MBOAT1: variants seen among roughly 807,000 people sequenced by gnomAD.
MBOAT1 encodes the protein membrane bound glycerophospholipid O-acyltransferase 1.
MBOAT1 carries 67 observed loss-of-function variants against 64.4 expected under a neutral mutation model. That is an observed-to-expected ratio of 1.04 (90% CI 0.85 to 1.27). The LOEUF (loss-of-function observed/expected upper bound fraction) is 1.27, where lower values mean the gene tolerates loss of function less well. Among genes scored for constraint, MBOAT1 ranks in the 50% most tolerant of loss-of-function variants. The pLI is 0.00. For synonymous variants in MBOAT1, 229 were observed against 218.9 expected (o/e 1.05, Z -0.41); for missense variants, 563 against 604.6 (o/e 0.93, Z 0.72).
At chr6:20,103,921 C>A (rs1005424347) in intron 12 of MBOAT1, among the ~76,000 whole-genome samples, 1 of 152,166 alleles carries the variant, frequency 6.6e-6, no homozygotes, top group Non-Finnish European at 1.5e-5. Flanking sequence ...ATATCCTAGG[C>A]CTTCACATTC....
At chr6:20,118,064 T>C (rs1387933797) in intron 9 of MBOAT1, among the ~76,000 whole-genome samples, 1 of 152,082 alleles carries the variant, frequency 6.6e-6, no homozygotes, top group Non-Finnish European at 1.5e-5. Context: ...GAAATCAAAA[T>C]ACAGGAGCTT....
At position 20,109,901 on chromosome 6, in the gene MBOAT1, ACTTTTTTTT is replaced by A. The variant is rs1284592531; in HGVS notation, c.1210-161_1210-153del. 1.7e-5 allele frequency: 5 copies of A among 299,944 alleles called. No individual in the cohort carries two copies. The South Asian group carries it at 2.2e-4, about 13-fold the overall frequency. 18.6% of individuals were successfully genotyped at this position (299,944 alleles called of 1,614,324 possible). A position where few individuals can be genotyped will look rare whatever the true frequency, so the allele number is the denominator to read the frequency against. The stretch of plus-strand genomic sequence containing the variant: ...ATTTTCGACTACAAATACCATCAGG[ACTTTTTTTT>A]TTTTTTTTTTTTTTTTTGAGATGGA... On this transcript the variant is annotated intron_variant, in intron 11 of 12. Coordinates refer to ENST00000324607, the MANE Select transcript of MBOAT1 (RefSeq NM_001080480.3).
At chr6:20,162,618 T>C (rs1242328748) in intron 1 of MBOAT1, among the ~76,000 whole-genome samples, 1 of 152,258 alleles carries the variant, frequency 6.6e-6, no homozygotes, top group Non-Finnish European at 1.5e-5. Flanking sequence ...TCACATCTAC[T>C]GTCTCATTTA....
intron 11 of MBOAT1, among the ~76,000 whole-genome samples, chr6:20,110,242 T>C (rs2328398): frequency 0.21 from 31,296 of 147,954 alleles, 3,421 homozygotes; most frequent in African/African-American, 0.25. Flanking sequence ...AATAAGACTC[T>C]TGCTCTGCCA....
chr6:20,183,022 G>A (rs1056583850), intron 1 of MBOAT1, among the ~76,000 whole-genome samples: 1 of 152,100 alleles, frequency 6.6e-6, no homozygotes, highest in Non-Finnish European at 1.5e-5. Context: ...GTAATATAAA[G>A]TGCTCTTCAG....
intron 9 of MBOAT1, among the ~76,000 whole-genome samples, 169 bp downstream of exon 9, chr6:20,118,267 GA>G (rs992301964): frequency 1.9e-4 from 29 of 151,338 alleles, no homozygotes; most frequent in East Asian, 1.6e-3. Flanking sequence ...AAAAAAGACA[GA>G]AAAAAACAAT....
intron 4 of MBOAT1, among the ~76,000 whole-genome samples, chr6:20,143,648 A>G (rs1288094765): frequency 1.3e-5 from 2 of 152,142 alleles, no homozygotes; most frequent in African/African-American, 2.4e-5. Flanking sequence ...AGAATAACCA[A>G]TGGGTACTAG....
chr6:20,155,654 A>G (rs1022483872), intron 1 of MBOAT1, among the ~76,000 whole-genome samples: 1 of 152,162 alleles, frequency 6.6e-6, no homozygotes, highest in African/African-American at 2.4e-5. Flanking sequence ...CCACATAAGC[A>G]AGCCAAAACC....
Position 20,118,556 on chromosome 6 carries a change from T to C in MBOAT1, c.908-16A>G. 1 of 1,598,698 alleles carries C rather than the reference T, an allele frequency of 6.3e-7. No homozygotes were observed. The highest frequency in any genetic ancestry group is 1.7e-4 in the Middle Eastern group (1 of 6,044). The stretch of plus-strand genomic sequence containing the variant: ...ACTGCATCAGCTATGGTTTTTAAAG[T>C]AACACATTAGGATATGGAACAAAAG... On this transcript the variant is annotated splice_polypyrimidine_tract_variant and intron_variant, in intron 8 of 12. Transcript: ENST00000324607.
At chr6:20,207,345 G>A (rs1393839118) in intron 1 of MBOAT1, among the ~76,000 whole-genome samples, 1 of 152,124 alleles carries the variant, frequency 6.6e-6, no homozygotes, top group Non-Finnish European at 1.5e-5. Flanking sequence ...CTATAGTAAT[G>A]GCTCTCAAAC....
chr6:20,132,641 T>C lies in MBOAT1; in HGVS notation c.420-1442A>G, dbSNP rs138510837. ...GAGAACCCTTAGAAGAAAACGTAAGTATAAATCTTTGTGACTTCAGGTTAC... is the reference window on the plus strand; with the variant it reads ...GAGAACCCTTAGAAGAAAACGTAAGCATAAATCTTTGTGACTTCAGGTTAC... On this transcript the variant is annotated intron_variant, in intron 4 of 12. Coordinates refer to ENST00000324607, the MANE Select transcript of MBOAT1 (RefSeq NM_001080480.3). Among the ~76,000 whole-genome samples, 34 of 152,340 alleles carry C rather than the reference T, an allele frequency of 2.2e-4. 1 individual carries two copies. The highest frequency in any genetic ancestry group is 6.8e-3 in the Middle Eastern group (2 of 294).
rs773644227 is a variant in MBOAT1 at position 20,112,862 on chromosome 6, T to TA, written c.1209+13dup. On this transcript the variant is annotated intron_variant, in intron 11 of 12. Coordinates refer to ENST00000324607, the MANE Select transcript of MBOAT1 (RefSeq NM_001080480.3). ...TTACTAAGGGGAAAGACCCTAGGCCTAAAGCACACTTACCGCTCTAGCTGC... is the reference window on the plus strand; with the variant it reads ...TTACTAAGGGGAAAGACCCTAGGCCTAAAAGCACACTTACCGCTCTAGCTGC... 17 of 1,610,834 alleles carry TA rather than the reference T, an allele frequency of 1.1e-5. No individual in the cohort carries two copies. The Middle Eastern group carries it at 6.6e-4, about 63-fold the overall frequency.
chr6:20,129,039 C>A (rs934772004), intron 5 of MBOAT1, among the ~76,000 whole-genome samples: 3 of 152,126 alleles, frequency 2.0e-5, no homozygotes, highest in Admixed American at 6.5e-5. Context: ...GAGAACCCTC[C>A]CCATCTGGTG....
intron 1 of MBOAT1, among the ~76,000 whole-genome samples, chr6:20,187,436 G>A (rs185789344): frequency 6.6e-6 from 1 of 152,362 alleles, no homozygotes; most frequent in East Asian, 1.9e-4. Flanking sequence ...GCATACGGTG[G>A]GTGTTCATGG....
At chr6:20,137,285 A>T (rs781418142) in intron 4 of MBOAT1, among the ~76,000 whole-genome samples, 1 of 152,198 alleles carries the variant, frequency 6.6e-6, no homozygotes. Flanking sequence ...TCGTGATGGG[A>T]GAGCAATTAT....
At chr6:20,184,347 G>T (rs1261083318) in intron 1 of MBOAT1, among the ~76,000 whole-genome samples, 1 of 152,146 alleles carries the variant, frequency 6.6e-6, no homozygotes, top group Middle Eastern at 3.4e-3. Flanking sequence ...TGGTGAGGGG[G>T]GACAGGTGGA....
chr6:20,152,058 T>C (rs12201816), intron 2 of MBOAT1, among the ~76,000 whole-genome samples: 4 of 152,092 alleles, frequency 2.6e-5, no homozygotes, highest in Admixed American at 2.6e-4. Context: ...TGGTGGCTCA[T>C]GCCTGTAATC....
chr6:20,166,731 A>G (rs571483739), intron 1 of MBOAT1, among the ~76,000 whole-genome samples: 12 of 152,106 alleles, frequency 7.9e-5, no homozygotes, highest in Non-Finnish European at 1.8e-4. Context: ...TGAGCTCAAG[A>G]GTTCAAGACC....
rs147046507 is a variant in MBOAT1, at chr6:20,128,904, C to T, written c.476-151G>A. 1,014 of 586,174 alleles carry T rather than the reference C, an allele frequency of 1.7e-3. 8 individuals carry two copies. In the African/African-American group the frequency reaches 0.017, roughly 10 times the overall value. 36.3% of individuals were successfully genotyped at this position (586,174 alleles called of 1,614,324 possible). ...TCCTGTTTTTCATTTTTTTTTAATG[C>T]CCTGGACCAAAAGAGCTACCCATAA... On this transcript the variant is annotated intron_variant, in intron 5 of 12. Coordinates refer to ENST00000324607, the MANE Select transcript of MBOAT1 (RefSeq NM_001080480.3).
Sources: allele counts gnomAD v4.1 joint callset (sites outside exome capture counted in the v4.1 genomes callset), GRCh38; gene constraint gnomAD v4.1.1; transcripts MANE v1.5; gene names NCBI Gene and HGNC (gene_info 2026-07-23, HGNC 2026-07-21).